The following ANKS1B variants were observed in gnomAD, a reference collection of about 807,000 sequenced individuals.
ANKS1B encodes the protein ankyrin repeat and sterile alpha motif domain-containing protein 1B.
ANKS1B carries 36 observed loss-of-function variants against 148.3 expected under a neutral mutation model. The observed-to-expected ratio is 0.24, with a 90% confidence interval of 0.19 to 0.32. ANKS1B has a LOEUF of 0.32. Among genes scored for constraint, ANKS1B ranks in the 10% least tolerant of loss-of-function variants. ANKS1B has a pLI of 1.00. For missense variants in ANKS1B, 1,157 were observed against 1,542.6 expected (o/e 0.75, Z 4.19); for synonymous variants, 542 against 560.8 (o/e 0.97, Z 0.47).
At chr12:99,679,497 A>G (rs891814007) in intron 8 of ANKS1B, among the ~76,000 whole-genome samples, 1 of 152,034 alleles carries the variant, frequency 6.6e-6, no homozygotes, top group Admixed American at 6.6e-5. Context: ...TTTTGTAGAA[A>G]TAGGGTTTCA....
At chr12:99,667,557 T>C (rs1182632280) in intron 8 of ANKS1B, among the ~76,000 whole-genome samples, 1 of 152,214 alleles carries the variant, frequency 6.6e-6, no homozygotes. Flanking sequence ...CTTTTCTCTT[T>C]AAAATCTTTA....
intron 8 of ANKS1B, among the ~76,000 whole-genome samples, chr12:99,725,158 A>G (rs2058490964): frequency 6.6e-6 from 1 of 152,228 alleles, no homozygotes; most frequent in African/African-American, 2.4e-5. Flanking sequence ...ATATAACAAT[A>G]TTAACCTTAA....
chr12:98,980,158 C>A (rs1429905920), intron 17 of ANKS1B, among the ~76,000 whole-genome samples: 1 of 152,130 alleles, frequency 6.6e-6, no homozygotes, highest in African/African-American at 2.4e-5. Context: ...AATTTCTCTC[C>A]TCATTTCATG....
intron 17 of ANKS1B, among the ~76,000 whole-genome samples, chr12:98,853,046 C>G (rs1373591081): frequency 2.0e-5 from 3 of 152,122 alleles, no homozygotes; most frequent in African/African-American, 7.2e-5. Context: ...TTAAGGAATT[C>G]TAGAACACTG....
intron 17 of ANKS1B, among the ~76,000 whole-genome samples, chr12:98,936,983 C>G (rs1016467464): frequency 1.3e-5 from 2 of 152,170 alleles, no homozygotes; most frequent in Non-Finnish European, 2.9e-5. Context: ...CTGTGTGACC[C>G]AGTGAGTTAC....
rs10695483 is a variant in ANKS1B at position 98,848,743 on chromosome 12, G to GTTTTTTTTTTTTTTTTTTTTTTTT, written c.2779-16608_2779-16607insAAAAAAAAAAAAAAAAAAAAAAAA. On this transcript the variant is annotated intron_variant, in intron 17 of 26. Coordinates refer to ENST00000683438, the MANE Select transcript of ANKS1B (RefSeq NM_001352186.2). ...CTGGATTAATTTCTGTGTATGTGTG[G>GTTTTTTTTTTTTTTTTTTTTTTTT]TTTTTTTTTTTTTGAGACGGAGTCT... Among the ~76,000 whole-genome samples, 2 of 48,090 alleles carry GTTTTTTTTTTTTTTTTTTTTTTTT rather than the reference G, an allele frequency of 4.2e-5. 1 individual carries two copies. The highest frequency in any genetic ancestry group is 7.1e-5 in the Non-Finnish European group (2 of 28,340). 31.5% of individuals were successfully genotyped at this position (48,090 alleles called of 152,430 possible). A position where few individuals can be genotyped will look rare whatever the true frequency, so the allele number is the denominator to read the frequency against.
At chr12:99,699,740 G>A in intron 8 of ANKS1B, among the ~76,000 whole-genome samples, 1 of 152,150 alleles carries the variant, frequency 6.6e-6, no homozygotes, top group East Asian at 1.9e-4. Context: ...AAATGTAGAA[G>A]AGTAAAATGA....
intron 8 of ANKS1B, among the ~76,000 whole-genome samples, chr12:99,759,307 G>GCAGGCA (rs1238112051): frequency 6.6e-6 from 1 of 151,922 alleles, no homozygotes; most frequent in Non-Finnish European, 1.5e-5. Flanking sequence ...TGAGATTGAA[G>GCAGGCA]CAGGCCACAC....
At chr12:98,849,317 G>A (rs2099508713) in intron 17 of ANKS1B, among the ~76,000 whole-genome samples, 1 of 151,942 alleles carries the variant, frequency 6.6e-6, no homozygotes, top group South Asian at 2.1e-4. Flanking sequence ...TGGACAGAAT[G>A]TGTTGAAGCC....
chr12:98,852,577 G>A (rs886292654), intron 17 of ANKS1B, among the ~76,000 whole-genome samples: 12 of 152,142 alleles, frequency 7.9e-5, no homozygotes, highest in Non-Finnish European at 1.5e-4. Context: ...CCTCACATGG[G>A]CACTGAGCTG....
chr12:98,834,802 T>C (rs1327004995), intron 17 of ANKS1B, among the ~76,000 whole-genome samples: 1 of 152,214 alleles, frequency 6.6e-6, no homozygotes, highest in East Asian at 1.9e-4. Context: ...AATGCCCTTA[T>C]ATTCTTGTAT....
intron 8 of ANKS1B, among the ~76,000 whole-genome samples, chr12:99,720,347 G>C (rs577175610): frequency 2.0e-5 from 3 of 152,098 alleles, no homozygotes; most frequent in Non-Finnish European, 4.4e-5. Flanking sequence ...CCTTTCCTAC[G>C]GGGTCTAAGA....
At chr12:98,845,913 TG>T (rs1217569779) in intron 17 of ANKS1B, among the ~76,000 whole-genome samples, 1 of 151,866 alleles carries the variant, frequency 6.6e-6, no homozygotes, top group African/African-American at 2.4e-5. Context: ...GTTTAGCTTA[TG>T]GTTAAAAAGA....
chr12:99,470,741 A>G (rs77224185), intron 10 of ANKS1B, among the ~76,000 whole-genome samples: 2 of 152,122 alleles, frequency 1.3e-5, no homozygotes, highest in East Asian at 3.9e-4. Flanking sequence ...GAGCTAATAC[A>G]TTTTACTCAA....
chr12:98,929,332 G>A (rs915782605), intron 17 of ANKS1B, among the ~76,000 whole-genome samples: 2 of 152,028 alleles, frequency 1.3e-5, no homozygotes, highest in Non-Finnish European at 2.9e-5. Context: ...GACTGAATAC[G>A]TGAAGATGGT....
intron 1 of ANKS1B, among the ~76,000 whole-genome samples, chr12:99,933,292 G>A (rs2153810069): frequency 6.6e-6 from 1 of 152,170 alleles, no homozygotes; most frequent in South Asian, 2.1e-4. Flanking sequence ...TTATGTTTCT[G>A]TGAAGAATAT....
intron 8 of ANKS1B, among the ~76,000 whole-genome samples, chr12:99,732,706 A>C (rs1329428820): frequency 6.6e-6 from 1 of 152,200 alleles, no homozygotes; most frequent in Non-Finnish European, 1.5e-5. Context: ...ACCCAAATGA[A>C]TCCTGAATGA....
At chr12:99,281,208 G>C (rs1016406925) in intron 12 of ANKS1B, among the ~76,000 whole-genome samples, 1 of 152,134 alleles carries the variant, frequency 6.6e-6, no homozygotes, top group South Asian at 2.1e-4. Flanking sequence ...AACACTTATT[G>C]TGCTGATCCA....
rs2082266113 is a variant in ANKS1B at position 99,305,833 on chromosome 12, T to C, written c.1757-58969A>G. Among the ~76,000 whole-genome samples, 3 of 152,304 alleles carry C rather than the reference T, an allele frequency of 2.0e-5. No homozygotes were observed. The South Asian group carries it at 6.2e-4, about 32-fold the overall frequency. ...GAATCATCCAGCAACTTCTCTGCCA[T>C]ACAATATTCAGACTCCAGTAATGGA... On this transcript the variant is annotated intron_variant, in intron 12 of 26. Transcript: ENST00000683438.
Sources: gnomAD v4.1 joint callset for allele counts (sites outside exome capture counted in the v4.1 genomes callset) on GRCh38, gnomAD v4.1.1 for gene constraint, MANE v1.5 for transcripts, NCBI Gene and HGNC (gene_info 2026-07-23, HGNC 2026-07-21) for gene names.